NDUFAF6: variants seen among roughly 807,000 people sequenced by gnomAD.
NDUFAF6 encodes the protein NADH dehydrogenase (ubiquinone) complex I, assembly factor 6.
In NDUFAF6, 45 loss-of-function variants were observed where a neutral mutation model predicts 40.8. The observed-to-expected ratio is 1.10, with a 90% CI of 0.87 to 1.42. The LOEUF (loss-of-function observed/expected upper bound fraction) is 1.42, where lower values mean the gene tolerates loss of function less well. NDUFAF6 is among the 40% of genes most tolerant of loss of function. NDUFAF6 has a pLI of 0.00. For missense variants in NDUFAF6, 435 were observed against 418.5 expected (o/e 1.04, Z -0.34); for synonymous variants, 185 against 155.9 (o/e 1.19, Z -1.39).
intron 1 of NDUFAF6, among the ~76,000 whole-genome samples, chr8:94,970,271 A>AAG (rs1563757767): frequency 2.6e-5 from 4 of 151,590 alleles, no homozygotes; most frequent in African/African-American, 9.7e-5. Flanking sequence ...AAAAAAAAAA[A>AAG]AAGAAGAAGG....
chr8:95,013,788 T>C (rs1304446224), intron 2 of NDUFAF6, among the ~76,000 whole-genome samples: 2 of 152,140 alleles, frequency 1.3e-5, no homozygotes, highest in Non-Finnish European at 2.9e-5. Flanking sequence ...ACAAGGTGAA[T>C]TGTGTTCCCC....
At chr8:95,030,214 A>ATTATTTAT (rs763490509) in intron 1 of NDUFAF6, among the ~76,000 whole-genome samples, 84 of 150,702 alleles carry the variant, frequency 5.6e-4, no homozygotes, top group African/African-American at 1.3e-3. Context: ...AATTGTTACT[A>ATTATTTAT]TTATTTATTT....
At chr8:94,964,892 C>G (rs969713954) in intron 1 of NDUFAF6, among the ~76,000 whole-genome samples, 5 of 152,206 alleles carry the variant, frequency 3.3e-5, no homozygotes, top group African/African-American at 1.2e-4. Flanking sequence ...GTGCCTGATA[C>G]ATCCAGAAAG....
chr8:95,056,217 A>C (rs759984154), intron 8 of NDUFAF6, among the ~76,000 whole-genome samples: 7 of 151,850 alleles, frequency 4.6e-5, no homozygotes, highest in Non-Finnish European at 7.4e-5. Context: ...TTTTCGATCA[A>C]AGAATTTCTG....
intron 1 of NDUFAF6, among the ~76,000 whole-genome samples, chr8:94,908,294 A>G (rs550176783): frequency 4.1e-4 from 62 of 152,346 alleles, no homozygotes; most frequent in African/African-American, 1.4e-3. Flanking sequence ...AATGACTTAA[A>G]TATTTGATTA....
At chr8:94,980,827 C>T (rs1586886877) in intron 1 of NDUFAF6, 1 of 414,810 alleles carries the variant, frequency 2.4e-6, no homozygotes, top group South Asian at 1.7e-5. Context: ...CCCCTTTTCT[C>T]CATCAAGACT....
intron 2 of NDUFAF6, among the ~76,000 whole-genome samples, chr8:95,012,903 A>G (rs181815160): frequency 6.6e-6 from 1 of 152,288 alleles, no homozygotes; most frequent in Admixed American, 6.5e-5. Flanking sequence ...TACTTTCATT[A>G]TTAAGTCAGG....
Position 95,057,794 on chromosome 8 carries a change from TTC to T in NDUFAF6, c.874-11_874-10del. On this transcript the variant is annotated splice_polypyrimidine_tract_variant and intron_variant, in intron 8 of 8. Transcript: ENST00000396124. ...TCATTTTATGATCTGGTGATCACTATTCTCTTTTTTCCAGGTTTCTCTAGAGG... is the reference window on the plus strand; with the variant it reads ...TCATTTTATGATCTGGTGATCACTATTCTTTTTTCCAGGTTTCTCTAGAGG... 6.3e-7 allele frequency: 1 copy of T among 1,598,566 alleles called. No individual in the cohort carries two copies.
At chr8:95,065,476 A>G (rs1013088861) in intron 9 of NDUFAF6, among the ~76,000 whole-genome samples, 4 of 152,212 alleles carry the variant, frequency 2.6e-5, no homozygotes, top group Non-Finnish European at 4.4e-5. Flanking sequence ...ATATAAGTAC[A>G]TTCTACATAT....
intron 2 of NDUFAF6, among the ~76,000 whole-genome samples, chr8:94,991,236 C>T (rs1026814249): frequency 3.3e-5 from 5 of 152,214 alleles, no homozygotes; most frequent in African/African-American, 9.6e-5. Context: ...AAAATATCTT[C>T]CAATCTCCAG....
chr8:95,043,880 T>A (rs1009596389), intron 4 of NDUFAF6, among the ~76,000 whole-genome samples: 3 of 152,202 alleles, frequency 2.0e-5, no homozygotes, highest in South Asian at 2.1e-4. Flanking sequence ...CCAGAAATTC[T>A]ACCCCTAGGT....
chr8:95,113,965 A>G (rs1408858316), intron 4 of NDUFAF6, among the ~76,000 whole-genome samples: 2 of 132,800 alleles, frequency 1.5e-5, no homozygotes, highest in Non-Finnish European at 1.6e-5. Context: ...ATGAGATCAC[A>G]TGGACACAGG....
In NDUFAF6 at chr8:95,057,933, A is replaced by G. The variant is rs1832402414; in HGVS notation, c.998A>G (p.Tyr333Cys). Reference sequence around the variant, plus strand: ...TATATTCAGTCATGGAGAAAAACATATTAAAATAATTTCATGGCATTGATG... The same window carrying G: ...TATATTCAGTCATGGAGAAAAACATGTTAAAATAATTTCATGGCATTGATG... ...YLYIQSWRKT[Y>C] Residue 333 changes from tyrosine (Y) to cysteine (C), a missense_variant, in exon 9 of 9, where the codon TAT becomes TGT. Coordinates refer to ENST00000396124, the MANE Select transcript of NDUFAF6 (RefSeq NM_152416.4). The G allele has an allele frequency of 7.8e-6, 12 of 1,532,764 alleles. No individual in the cohort carries two copies. Among genetic ancestry groups the G allele is most frequent in the Middle Eastern group, 1.7e-4 (1 of 5,892 alleles). The allele number at this position is 1,532,764 out of a possible 1,614,324, so 94.9% of individuals were successfully genotyped here. A position where few individuals can be genotyped will look rare whatever the true frequency, so the allele number is the denominator to read the frequency against.
downstream of NDUFAF6, among the ~76,000 whole-genome samples, chr8:95,105,056 CACACACACACAGAGAGAGAG>C (rs1179541437): frequency 9.9e-5 from 6 of 60,726 alleles, no homozygotes; most frequent in African/African-American, 4.0e-4. Context: ...CACACACACA[CACACACACACAGAGAGAGAG>C]AGAGAGAGAG....
At chr8:94,934,969 A>G (rs1396555561) in intron 1 of NDUFAF6, among the ~76,000 whole-genome samples, 1 of 152,184 alleles carries the variant, frequency 6.6e-6, no homozygotes, top group Non-Finnish European at 1.5e-5. Context: ...GCAAAATGAA[A>G]TATGTTTAGC....
At chr8:95,025,857 G>T (rs1474567676) in intron 1 of NDUFAF6, among the ~76,000 whole-genome samples, 1 of 152,188 alleles carries the variant, frequency 6.6e-6, no homozygotes, top group Non-Finnish European at 1.5e-5. Flanking sequence ...CTTGGGTGTC[G>T]CTCCTTAATC....
At chr8:95,100,555 T>G (rs1563868706) in intron 1 of NDUFAF6, 1 of 152,246 alleles carries the variant, frequency 6.6e-6, no homozygotes. Flanking sequence ...CTTTCTATGT[T>G]TGTTTATGTT....
chr8:95,066,287 CTTTTTTTTTTTTT>C (rs11302193), intron 9 of NDUFAF6, among the ~76,000 whole-genome samples: 2 of 82,920 alleles, frequency 2.4e-5, no homozygotes, highest in East Asian at 7.8e-4. Context: ...TGCTTGCTTG[CTTTTTTTTTTTTT>C]TTTTTTTTTT....
At chr8:94,974,088 C>A (rs1464080628) in intron 1 of NDUFAF6, among the ~76,000 whole-genome samples, 5 of 152,094 alleles carry the variant, frequency 3.3e-5, no homozygotes, top group African/African-American at 1.2e-4. Flanking sequence ...AAGGTTAGAG[C>A]AGGAACATCA....
Sources: gnomAD v4.1 joint callset for allele counts (sites outside exome capture counted in the v4.1 genomes callset) on GRCh38, gnomAD v4.1.1 for gene constraint, MANE v1.5 for transcripts, NCBI Gene and HGNC (gene_info 2026-07-23, HGNC 2026-07-21) for gene names.